The following NPAS3 variants were observed in gnomAD, a reference collection of about 807,000 sequenced individuals.
NPAS3 encodes the protein neuronal PAS domain-containing protein 3.
Under a neutral mutation model 73.1 loss-of-function variants are expected in NPAS3, and 14 were observed. That is an observed-to-expected ratio of 0.19 (90% CI 0.13 to 0.30). NPAS3 has a LOEUF of 0.30. NPAS3 is among the 10% of genes least tolerant of loss of function. NPAS3 has a pLI of 1.00. For synonymous variants in NPAS3, 620 were observed against 541.5 expected, an observed-to-expected ratio of 1.14 and a Z score of -2.01; for missense variants, 1,096 against 1,250.0, an observed-to-expected ratio of 0.88 and a Z score of 1.86.
intron 2 of NPAS3, among the ~76,000 whole-genome samples, chr14:33,150,856 A>T (rs2044418681): frequency 6.6e-6 from 1 of 152,188 alleles, no homozygotes. Context: ...CATCTTCCTG[A>T]CAGCTGTTTC....
At chr14:33,401,077 C>T (rs2047425140) in intron 4 of NPAS3, among the ~76,000 whole-genome samples, 1 of 152,138 alleles carries the variant, frequency 6.6e-6, no homozygotes, top group Admixed American at 6.6e-5. Context: ...AGTTAGCATA[C>T]TGAGGACGTT....
chr14:33,301,701 C>T (rs1377286384), intron 3 of NPAS3, among the ~76,000 whole-genome samples: 3 of 152,074 alleles, frequency 2.0e-5, no homozygotes, highest in African/African-American at 7.2e-5. Context: ...TTTTAAAGTA[C>T]AAGAACAATA....
chr14:33,378,457 G>A (rs539598292), intron 4 of NPAS3, among the ~76,000 whole-genome samples: 18 of 152,132 alleles, frequency 1.2e-4, no homozygotes, highest in East Asian at 1.2e-3. Context: ...CCAACATGGC[G>A]AAACCCTATC....
intron 2 of NPAS3, among the ~76,000 whole-genome samples, chr14:33,114,315 C>T (rs936000098): frequency 2.0e-4 from 30 of 152,108 alleles, no homozygotes; most frequent in Admixed American, 1.5e-3. Context: ...GGATTATAGG[C>T]GTGAACTACC....
At chr14:33,604,475 T>C (rs564017167) in intron 5 of NPAS3, among the ~76,000 whole-genome samples, 4 of 152,156 alleles carry the variant, frequency 2.6e-5, no homozygotes, top group African/African-American at 9.6e-5. Flanking sequence ...TATAAAGCAG[T>C]ACTGCTAAAA....
chr14:33,147,789 A>G (rs1317710681), intron 2 of NPAS3, among the ~76,000 whole-genome samples: 1 of 149,364 alleles, frequency 6.7e-6, no homozygotes, highest in Non-Finnish European at 1.5e-5. Flanking sequence ...AAAAGTATGC[A>G]CAGTCATGTA....
chr14:33,030,147 A>C (rs1439443773), intron 1 of NPAS3, among the ~76,000 whole-genome samples: 2 of 152,358 alleles, frequency 1.3e-5, no homozygotes, highest in East Asian at 3.9e-4. Context: ...TGAAGCAAAG[A>C]CAGAAAGATG....
chr14:33,245,398 C>G (rs1489569945), intron 3 of NPAS3, among the ~76,000 whole-genome samples: 1 of 152,174 alleles, frequency 6.6e-6, no homozygotes, highest in Non-Finnish European at 1.5e-5. Flanking sequence ...GATAATCTAT[C>G]TCCAGATCCA....
At chr14:33,056,397 C>T (rs1160482193) in intron 2 of NPAS3, among the ~76,000 whole-genome samples, 4 of 152,004 alleles carry the variant, frequency 2.6e-5, no homozygotes. Context: ...TTTTTCAATC[C>T]TGTAATGGAA....
rs562207254 is a variant in NPAS3, at chr14:33,260,390, C to T, written c.385+44964C>T. On this transcript the variant is annotated intron_variant, in intron 3 of 11. Transcript: ENST00000356141. ...AGTTTGGCCACAGTTCACTTTCGCT[C>T]CTGTCATTCTACAATAGCCATTCAA... is the stretch of plus-strand genomic sequence containing the variant. Among the ~76,000 whole-genome samples the T allele has an allele frequency of 1.8e-4, 27 of 151,966 alleles. No individual in the cohort carries two copies. The East Asian group carries it at 2.9e-3, about 16-fold the overall frequency.
intron 6 of NPAS3, among the ~76,000 whole-genome samples, chr14:33,687,507 T>C (rs898662354): frequency 6.6e-6 from 1 of 152,204 alleles, no homozygotes; most frequent in Admixed American, 6.5e-5. Flanking sequence ...TGTCCAGCCA[T>C]GTCTTTATTA....
At chr14:33,699,201 C>T (rs4462506) in intron 6 of NPAS3, among the ~76,000 whole-genome samples, 67,606 of 152,004 alleles carry the variant, frequency 0.44, 15,629 homozygotes, top group Admixed American at 0.59. Context: ...TTTTTAATTG[C>T]TAGAAAATAT....
intron 4 of NPAS3, among the ~76,000 whole-genome samples, chr14:33,483,052 C>A (rs751280341): frequency 6.6e-5 from 10 of 151,916 alleles, no homozygotes; most frequent in Non-Finnish European, 1.2e-4. Context: ...AAAGGAAGAC[C>A]CGAGAAAGAG....
chr14:33,171,843 G>A (rs1055971237), intron 2 of NPAS3, among the ~76,000 whole-genome samples: 7 of 152,052 alleles, frequency 4.6e-5, no homozygotes, highest in African/African-American at 1.2e-4. Context: ...AAGCTTCATC[G>A]TTTCTAGCTT....
At chr14:33,612,507 T>A (rs762912167) in intron 5 of NPAS3, 95 of 455,936 alleles carry the variant, frequency 2.1e-4, no homozygotes, top group Middle Eastern at 1.3e-3. Flanking sequence ...TTAATCAAAT[T>A]CTCCCTTGGA....
chr14:33,799,203 G>A (rs894248973), intron 11 of NPAS3, among the ~76,000 whole-genome samples: 7 of 152,058 alleles, frequency 4.6e-5, no homozygotes, highest in South Asian at 2.1e-4. Context: ...GGTGGTAAGT[G>A]CTGTGGGGGA....
At chr14:33,490,745 A>G (rs2051853444) in intron 4 of NPAS3, among the ~76,000 whole-genome samples, 1 of 152,158 alleles carries the variant, frequency 6.6e-6, no homozygotes, top group African/African-American at 2.4e-5. Flanking sequence ...GGAACAAATC[A>G]AGTCCTTTTG....
At chr14:32,995,282 C>T (rs2038520201) in intron 1 of NPAS3, among the ~76,000 whole-genome samples, 1 of 152,194 alleles carries the variant, frequency 6.6e-6, no homozygotes, top group South Asian at 2.1e-4. Flanking sequence ...AACCATCCAT[C>T]CAGTTACTTA....
intron 3 of NPAS3, among the ~76,000 whole-genome samples, chr14:33,305,557 CAAGT>C (rs2042721158): frequency 6.6e-6 from 1 of 152,012 alleles, no homozygotes; most frequent in African/African-American, 2.4e-5. Context: ...TAAAACAAAT[CAAGT>C]AAGTATTTTC....
Sources: allele counts gnomAD v4.1 joint callset (sites outside exome capture counted in the v4.1 genomes callset), GRCh38; gene constraint gnomAD v4.1.1; transcripts MANE v1.5; gene names NCBI Gene and HGNC (gene_info 2026-07-23, HGNC 2026-07-21).